CYRIB: variants seen among roughly 807,000 people sequenced by gnomAD.
CYRIB encodes the protein CYFIP related Rac1 interactor B, also known as CYFIP-related Rac1 interactor B.
In CYRIB, 8 loss-of-function variants were observed where a neutral mutation model predicts 44.2. The observed-to-expected ratio is 0.18, with a 90% CI of 0.11 to 0.33. The LOEUF (loss-of-function observed/expected upper bound fraction) is 0.33, where lower values mean the gene tolerates loss of function less well. Among genes scored for constraint, CYRIB ranks in the 10% least tolerant of loss-of-function variants. The pLI is 1.00. For missense variants in CYRIB, 185 were observed against 382.8 expected (o/e 0.48, Z 4.31); for synonymous variants, 131 against 127.2 (o/e 1.03, Z -0.20).
At chr8:129,985,000 A>G (rs1181064660) in intron 1 of CYRIB, among the ~76,000 whole-genome samples, 2 of 152,038 alleles carry the variant, frequency 1.3e-5, no homozygotes, top group Non-Finnish European at 2.9e-5. Flanking sequence ...CGAACTCCTG[A>G]CCTCAGGTGA....
intron 7 of CYRIB, 151 bp from the exon 10 acceptor site, chr8:129,852,429 A>AT (rs548180781): frequency 2.2e-5 from 9 of 404,176 alleles, no homozygotes; most frequent in Middle Eastern, 6.2e-4. Flanking sequence ...AAAAAAAGTT[A>AT]TTTTTTTTAA....
At chr8:129,993,521 A>G (rs1592011850) in intron 1 of CYRIB, among the ~76,000 whole-genome samples, 1 of 151,594 alleles carries the variant, frequency 6.6e-6, no homozygotes, top group East Asian at 1.9e-4. Context: ...ACACAGGGAA[A>G]CCCAGTCTCT....
In CYRIB at chr8:129,945,650, C is replaced by A. The variant is rs116716379; in HGVS notation, c.-243+25293G>T. On this transcript the variant is annotated intron_variant, in intron 2 of 14. Coordinates refer to the CYRIB transcript ENST00000401979. ...GTGACACAATCTCCACTCACTGCAG[C>A]CTCCGCCTCCCGAGTTCAAGCGACT... Among the ~76,000 whole-genome samples, 1,349 of 152,280 alleles carry A rather than the reference C, an allele frequency of 8.9e-3. 21 individuals carry two copies. The highest frequency in any genetic ancestry group is 0.031 in the African/African-American group (1,302 of 41,540).
intron 1 of CYRIB, among the ~76,000 whole-genome samples, chr8:129,972,937 A>G (rs1016358881): frequency 6.6e-6 from 1 of 152,236 alleles, no homozygotes; most frequent in Non-Finnish European, 1.5e-5. Flanking sequence ...CTTCAGCCTC[A>G]TAGCATGTGT....
chr8:129,989,199 G>C (rs1012479767), intron 1 of CYRIB, among the ~76,000 whole-genome samples: 2 of 152,066 alleles, frequency 1.3e-5, no homozygotes, highest in Non-Finnish European at 2.9e-5. Context: ...CTCTCAGTGG[G>C]TCTCTGGAAA....
intron 4 of CYRIB, among the ~76,000 whole-genome samples, chr8:129,866,410 G>A (rs781753604): frequency 2.8e-4 from 42 of 151,936 alleles, no homozygotes; most frequent in Non-Finnish European, 5.6e-4. Context: ...TTCTCTATGG[G>A]ATTCAAAAGG....
chr8:129,962,307 G>T (rs1047617595), intron 2 of CYRIB, among the ~76,000 whole-genome samples: 1 of 151,928 alleles, frequency 6.6e-6, no homozygotes, highest in Non-Finnish European at 1.5e-5. Flanking sequence ...AATTAGCTAG[G>T]TGTGATGTGT....
At chr8:129,905,757 T>TG (rs1563718822) in intron 1 of CYRIB, among the ~76,000 whole-genome samples, 1 of 152,194 alleles carries the variant, frequency 6.6e-6, no homozygotes, top group Non-Finnish European at 1.5e-5. Flanking sequence ...CATAAAATCA[T>TG]GGGGGAAAAT....
At chr8:129,934,489 G>A (rs1451825261) in intron 1 of CYRIB, among the ~76,000 whole-genome samples, 1 of 152,070 alleles carries the variant, frequency 6.6e-6, no homozygotes, top group Non-Finnish European at 1.5e-5. Flanking sequence ...TCATATTGCG[G>A]CAGGCCAGGT....
At chr8:129,969,408 A>G (rs2095609804) in intron 2 of CYRIB, among the ~76,000 whole-genome samples, 1 of 152,222 alleles carries the variant, frequency 6.6e-6, no homozygotes, top group African/African-American at 2.4e-5. Flanking sequence ...CATACCAGGA[A>G]GGACTCACAC....
chr8:129,959,985 G>A (rs2131673152), intron 2 of CYRIB, among the ~76,000 whole-genome samples: 1 of 152,326 alleles, frequency 6.6e-6, no homozygotes, highest in East Asian at 1.9e-4. Context: ...AGGATCTTAA[G>A]GAAAGGAAGA....
intron 1 of CYRIB, among the ~76,000 whole-genome samples, chr8:129,995,727 A>C (rs1288700751): frequency 6.6e-6 from 1 of 152,210 alleles, no homozygotes. Flanking sequence ...ATTTCTAAAC[A>C]CACACACATA....
upstream of CYRIB, among the ~76,000 whole-genome samples, chr8:129,940,214 G>T (rs2130762919): frequency 6.6e-6 from 1 of 152,264 alleles, no homozygotes; most frequent in South Asian, 2.1e-4. Flanking sequence ...CTGGACCTCG[G>T]GACTCGATGC....
chr8:129,986,698 A>G (rs2096466336), intron 1 of CYRIB, among the ~76,000 whole-genome samples: 1 of 152,170 alleles, frequency 6.6e-6, no homozygotes. Flanking sequence ...GGCCCTCACC[A>G]GATGCAGCCC....
chr8:129,953,409 G>C (rs2094604212), intron 2 of CYRIB, among the ~76,000 whole-genome samples: 1 of 152,130 alleles, frequency 6.6e-6, no homozygotes, highest in Admixed American at 6.5e-5. Flanking sequence ...TTAATGCCTA[G>C]AGCCCCCAGG....
At chr8:129,908,995 T>C (rs898827593) in intron 1 of CYRIB, among the ~76,000 whole-genome samples, 3 of 152,174 alleles carry the variant, frequency 2.0e-5, no homozygotes, top group African/African-American at 7.2e-5. Context: ...TCTTGCTATG[T>C]TGACCAGGCT....
chr8:129,852,619 T>C (rs1378575597), intron 7 of CYRIB, among the ~76,000 whole-genome samples: 1 of 152,166 alleles, frequency 6.6e-6, no homozygotes, highest in African/African-American at 2.4e-5. Context: ...CATGGTAAGA[T>C]TCTAACAGGT....
At chr8:129,896,764 C>T (rs190093084) in intron 2 of CYRIB, 30 of 152,270 alleles carry the variant, frequency 2.0e-4, no homozygotes, top group Admixed American at 1.9e-3. Context: ...AGTAAACAGG[C>T]CTTGTGGCAG....
At chr8:129,984,192 T>C (rs1437332052) in intron 1 of CYRIB, among the ~76,000 whole-genome samples, 1 of 152,216 alleles carries the variant, frequency 6.6e-6, no homozygotes, top group Non-Finnish European at 1.5e-5. Flanking sequence ...CCCCTGCCTC[T>C]CTCTGGCTGC....
Sources: allele counts gnomAD v4.1 joint callset (sites outside exome capture counted in the v4.1 genomes callset), GRCh38; gene constraint gnomAD v4.1.1; transcripts MANE v1.5; gene names NCBI Gene and HGNC (gene_info 2026-07-23, HGNC 2026-07-21).